Variants in FAT2 observed in about 807,000 individuals in gnomAD.
The protein encoded by FAT2 is FAT atypical cadherin 2.
FAT2 carries 150 observed loss-of-function variants against 295.3 expected under a neutral mutation model. The observed-to-expected ratio is 0.51, with a 90% CI of 0.44 to 0.58. The LOEUF (loss-of-function observed/expected upper bound fraction) is 0.58. Ranked by LOEUF, FAT2 falls within the 20% of genes least tolerant of loss-of-function variation. The pLI, the probability that FAT2 is intolerant of heterozygous loss-of-function variation, is 0.00. For missense variants in FAT2, 4,868 were observed against 5,442.7 expected, an observed-to-expected ratio of 0.89 and a Z score of 3.32; for synonymous variants, 2,026 against 2,150.3, an observed-to-expected ratio of 0.94 and a Z score of 1.60.
rs766374941 is a variant in FAT2, at chr5:151,546,127, A to G, written c.5000T>C (p.Val1667Ala). ...APIFSKSEYF[V>A]EIPESIPVGS... is the part of the protein sequence containing the mutation. ...AACAGGGATTGATTCAGGGATCTCT[A>G]CAAAGTACTCAGATTTTGAAAAGAT... is the stretch of plus-strand genomic sequence containing the variant. The change falls in exon 10 of 24, where the codon GTA becomes GCA. Residue 1667 changes from valine (V) to alanine (A), a missense_variant. Val to Ala is a moderately conservative substitution (Grantham distance 64). This residue lies in a region of FAT2 where 3,297 missense variants were observed against 3,669.4 expected (regional missense o/e 0.90). Coordinates refer to ENST00000261800, the MANE Select transcript of FAT2 (RefSeq NM_001447.3). 1 of 1,614,186 alleles carries G rather than the reference A, an allele frequency of 6.2e-7. No homozygotes were observed. Among genetic ancestry groups the G allele is most frequent in the Non-Finnish European group, 8.5e-7 (1 of 1,180,024 alleles).
intron 11 of FAT2, among the ~76,000 whole-genome samples, chr5:151,538,583 C>T (rs949981132): frequency 3.9e-5 from 6 of 152,220 alleles, no homozygotes; most frequent in African/African-American, 1.2e-4. Flanking sequence ...CAGTGGCTGG[C>T]AGTGAGCCAG....
chr5:151,505,765 C>T lies in FAT2; in HGVS notation c.12850G>A (p.Gly4284Arg), dbSNP rs765435793. 6.2e-7 allele frequency: 1 copy of T among 1,614,060 alleles called. No homozygotes were observed. Among genetic ancestry groups the T allele is most frequent in the Non-Finnish European group, 8.5e-7 (1 of 1,179,974 alleles). Residue 4284 changes from glycine to arginine, a missense_variant, in exon 24 of 24, where the codon GGA becomes AGA. Physicochemically the swap from Gly to Arg is moderately radical, Grantham distance 125. Around this residue, in one of 5 missense-constraint regions of FAT2, gnomAD observed 492 missense variants for 482.6 expected, o/e 1.02. Coordinates refer to ENST00000261800, the MANE Select transcript of FAT2 (RefSeq NM_001447.3). ...ISYYHSQFRQ[G>R]GGGPCLADGG... Reference sequence around the variant, plus strand: ...TCTGCCAGGCAGGGCCCTCCCCCTCCCTGCCGGAACTGCGAGTGGTAGTAG... The same window carrying T: ...TCTGCCAGGCAGGGCCCTCCCCCTCTCTGCCGGAACTGCGAGTGGTAGTAG...
intron 20 of FAT2, among the ~76,000 whole-genome samples, chr5:151,516,129 A>G (rs775271802): frequency 3.9e-5 from 6 of 152,170 alleles, no homozygotes; most frequent in Non-Finnish European, 8.8e-5. Flanking sequence ...CCAGATGTCC[A>G]TAGAGCTAAC....
chr5:151,507,686 G>A (rs115744609), intron 22 of FAT2, 75 bp from the exon 23 acceptor site: 48 of 1,341,114 alleles, frequency 3.6e-5, no homozygotes, highest in Non-Finnish European at 4.5e-5. Flanking sequence ...GAGATCTATG[G>A]GATAGAGACT....
chr5:151,546,690 A>G (rs1756670851), intron 9 of FAT2, among the ~76,000 whole-genome samples: 1 of 152,088 alleles, frequency 6.6e-6, no homozygotes, highest in Non-Finnish European at 1.5e-5. Context: ...TTCAGTTTGC[A>G]TCATACAGAA....
At chr5:151,583,384 C>G (rs778068269) in intron 1 of FAT2, among the ~76,000 whole-genome samples, 8 of 152,102 alleles carry the variant, frequency 5.3e-5, no homozygotes, top group Non-Finnish European at 8.8e-5. Context: ...AACTATTGTT[C>G]TAGGTGACAA....
chr5:151,507,063 TA>T, intron 23 of FAT2, 90 bp downstream of exon 23: 2 of 1,193,366 alleles, frequency 1.7e-6, no homozygotes, highest in Non-Finnish European at 2.4e-6. Context: ...GCGTGGTAGC[TA>T]AAAATGCCTG....
Position 151,534,970 on chromosome 5 carries a change from A to ATATATATATAT in FAT2, c.9194-329_9194-328insATATATATATA, listed in dbSNP as rs1755078921. Among the ~76,000 whole-genome samples, 415 of 106,340 alleles carry ATATATATATAT rather than the reference A, an allele frequency of 3.9e-3. 4 individuals are homozygous for ATATATATATAT. The highest frequency in any genetic ancestry group is 5.7e-3 in the Non-Finnish European group (267 of 46,766). The allele number at this position is 106,340 out of a possible 152,430, so 69.8% of individuals were successfully genotyped here. A position where few individuals can be genotyped will look rare whatever the true frequency, so the allele number is the denominator to read the frequency against. On this transcript the variant is annotated intron_variant, in intron 12 of 23. Transcript: ENST00000261800. ...TGGTTCGTAATTCCACTTCTAGGAA[A>ATATATATATAT]ATATATATATATATATATATATATA...
rs977072173 is a variant in FAT2 at position 151,521,089 on chromosome 5, G to A, written c.11317+187C>T. 2.0e-5 allele frequency among the ~76,000 whole-genome samples: 3 copies of A among 152,206 alleles called. No individual in the cohort carries two copies. In the South Asian group the frequency reaches 6.2e-4, roughly 32 times the overall value. The stretch of plus-strand genomic sequence containing the variant: ...TTTCTAAATCTCGAAAGGGAGCTGA[G>A]AATTGGGTATTATTCCATAACTAGA... On this transcript the variant is annotated intron_variant, in intron 19 of 23. Coordinates refer to ENST00000261800, the MANE Select transcript of FAT2 (RefSeq NM_001447.3).
chr5:151,525,838 G>A lies in FAT2; in HGVS notation c.10436C>T (p.Pro3479Leu), dbSNP rs372161810. The A allele has an allele frequency of 8.0e-5, 129 of 1,613,870 alleles. No individual in the cohort carries two copies. The highest frequency in any genetic ancestry group is 1.3e-4 in the Admixed American group (8 of 59,982). ...CTCAGCAGTCACCAGCCATCCATCC[G>A]GGGTCACTCGGAAGGCAGAGCCGTT... ...GNNGSAFRVT[P>L]DGWLVTAEGL... is the part of the protein sequence containing the mutation. Residue 3479 changes from proline to leucine, a missense_variant, in exon 18 of 24, where the codon CCG becomes CTG. Transcript: ENST00000261800.
In FAT2 at chr5:151,527,298, T is replaced by A. The variant is rs1254492253; in HGVS notation, c.10244A>T (p.Gln3415Leu). 6.2e-7 allele frequency: 1 copy of A among 1,613,536 alleles called. No homozygotes were observed. Residue 3415 changes from glutamine (Q) to leucine (L), a missense_variant, in exon 17 of 24, where the codon CAA becomes CTA. Physicochemically the swap from Gln to Leu is moderately radical, Grantham distance 113 (BLOSUM62 -2). Coordinates refer to ENST00000261800, the MANE Select transcript of FAT2 (RefSeq NM_001447.3). ...TGGGTTATCATTGACATCAGCCACT[T>A]GGATAGCGATGTCTGTGTCCTCATG... ...PLHEDTDIAIQVADVNDNPPR... is the reference protein window; with the variant it reads ...PLHEDTDIAILVADVNDNPPR...
rs113735528 is a variant in FAT2 at position 151,569,100 on chromosome 5, T to C, written c.-20-149A>G. Reference sequence around the variant, plus strand: ...GGCTGACCCAGCTTGGGAGTGGTGGTGCTAATGGCATCTGGCAGGTAGAGG... The same window carrying C: ...GGCTGACCCAGCTTGGGAGTGGTGGCGCTAATGGCATCTGGCAGGTAGAGG... On this transcript the variant is annotated intron_variant, in intron 1 of 23. Coordinates refer to ENST00000261800, the MANE Select transcript of FAT2 (RefSeq NM_001447.3). Among the ~76,000 whole-genome samples, 1,078 of 152,274 alleles carry C rather than the reference T, an allele frequency of 7.1e-3. 17 individuals are homozygous for C. Among genetic ancestry groups the C allele is most frequent in the African/African-American group, 0.025 (1,043 of 41,542 alleles).
At chr5:151,582,511 C>T (rs537391163) in intron 1 of FAT2, among the ~76,000 whole-genome samples, 1 of 152,152 alleles carries the variant, frequency 6.6e-6, no homozygotes, top group Non-Finnish European at 1.5e-5. Context: ...GGGTGGGGCT[C>T]AGAAATAGAT....
intron 7 of FAT2, 107 bp from the exon 8 acceptor site, chr5:151,550,978 C>G: frequency 8.9e-6 from 8 of 901,158 alleles, no homozygotes; most frequent in Non-Finnish European, 1.4e-5. Context: ...GTGCCTGGCA[C>G]TCAGCAATCA....
rs767781977 is a variant in FAT2 at position 151,531,879 on chromosome 5, C to G, written c.9519G>C (p.Lys3173Asn). 6.2e-7 allele frequency: 1 copy of G among 1,614,180 alleles called. No individual in the cohort carries two copies. Among genetic ancestry groups the G allele is most frequent in the Non-Finnish European group, 8.5e-7 (1 of 1,180,030 alleles). ...DATTGVIRLE[K>N]PLQVRPQAPL... ...GTGCCTGGGGCCTGACCTGCAGCGG[C>G]TTTTCCAGGCGGATCACCCCCGTGG... Residue 3173 changes from lysine to asparagine, a missense_variant, in exon 14 of 24, where the codon AAG becomes AAC. Physicochemically the swap from Lys to Asn is moderately conservative, Grantham distance 94 (BLOSUM62 0). Transcript: ENST00000261800. This position sits in a 1 kb window ranked among gnomAD's most constrained non-coding sequence, Gnocchi z 5.7.
chr5:151,593,544 G>A (rs1759492339), upstream of FAT2, among the ~76,000 whole-genome samples: 1 of 152,142 alleles, frequency 6.6e-6, no homozygotes, highest in South Asian at 2.1e-4. Flanking sequence ...CAGGGAAATT[G>A]ACTCCTAGTG....
At chr5:151,520,939 G>A (rs1448440208) in intron 19 of FAT2, among the ~76,000 whole-genome samples, 1 of 152,240 alleles carries the variant, frequency 6.6e-6, no homozygotes, top group Non-Finnish European at 1.5e-5. Flanking sequence ...GCACAGAGAG[G>A]TTAATTTTCC....
At chr5:151,537,315 GAA>G (rs372669365) in intron 12 of FAT2, among the ~76,000 whole-genome samples, 1,271 of 71,612 alleles carry the variant, frequency 0.018, 14 homozygotes, top group Admixed American at 0.032. Context: ...GGAAGAAAAA[GAA>G]AGAGAAAAAA....
intron 13 of FAT2, among the ~76,000 whole-genome samples, chr5:151,533,393 A>AC (rs1754871088): frequency 4.5e-5 from 6 of 132,112 alleles, no homozygotes; most frequent in Admixed American, 7.7e-5. Flanking sequence ...TGTTATCTCC[A>AC]ACACACACAC....
Sources: allele counts gnomAD v4.1 joint callset (sites outside exome capture counted in the v4.1 genomes callset), GRCh38; gene constraint gnomAD v4.1.1; regional missense constraint gnomAD v4.1.1; non-coding constraint Gnocchi (gnomAD v3.1); transcripts MANE v1.5; gene names NCBI Gene and HGNC (gene_info 2026-07-23, HGNC 2026-07-21).